The following IFT80 variants were observed in gnomAD, a reference collection of about 807,000 sequenced individuals.
IFT80 encodes intraflagellar transport protein 80 homolog.
A neutral mutation model predicts 107.9 loss-of-function variants in IFT80; 79 were observed. The observed-to-expected ratio is 0.73, with a 90% CI of 0.61 to 0.88. IFT80 has a LOEUF of 0.88. IFT80 is among the 40% of genes least tolerant of loss of function. The pLI is 0.00. For missense variants in IFT80, 797 were observed against 914.2 expected, an observed-to-expected ratio of 0.87 and a Z score of 1.65; for synonymous variants, 299 against 300.9, an observed-to-expected ratio of 0.99 and a Z score of 0.07.
intron 8 of IFT80, among the ~76,000 whole-genome samples, chr3:160,353,361 A>T (rs2108356198): frequency 6.6e-6 from 1 of 152,076 alleles, no homozygotes; most frequent in African/African-American, 2.4e-5. Flanking sequence ...CAGGGGCTCA[A>T]CTCCCTCACC....
chr3:160,305,592 T>C lies in IFT80; in HGVS notation c.1077-1603A>G, dbSNP rs372136757. Among the ~76,000 whole-genome samples, 24 of 152,226 alleles carry C rather than the reference T, an allele frequency of 1.6e-4. No individual in the cohort carries two copies. The East Asian group carries it at 2.7e-3, about 17-fold the overall frequency. On this transcript the variant is annotated intron_variant, in intron 10 of 19. Coordinates refer to ENST00000326448, the MANE Select transcript of IFT80 (RefSeq NM_020800.3). ...TCTGAGATTTCTGACAACTGAGAGATATATAAATGCCATGGAAACATAAAC... is the reference window on the plus strand; with the variant it reads ...TCTGAGATTTCTGACAACTGAGAGACATATAAATGCCATGGAAACATAAAC...
rs199704571 is a variant in IFT80, at chr3:160,278,968, T to C, written c.1836+225A>G. Among the ~76,000 whole-genome samples the C allele has an allele frequency of 9.8e-5, 15 of 152,340 alleles. No homozygotes were observed. In the East Asian group the frequency reaches 2.9e-3, roughly 29 times the overall value. ...AGAAAACTTCCACAGAAGATTTTTA[T>C]ATGTGCCAGTATGGAAAAACAGTTT... On this transcript the variant is annotated intron_variant, in intron 16 of 19. Transcript: ENST00000326448.
intron 9 of IFT80, among the ~76,000 whole-genome samples, chr3:160,312,748 T>A (rs1425579838): frequency 2.3e-5 from 1 of 44,104 alleles, no homozygotes; most frequent in Non-Finnish European, 3.7e-5. Context: ...TATAAATATA[T>A]AATATATATA....
At chr3:160,339,149 G>A (rs2108330718) in intron 8 of IFT80, among the ~76,000 whole-genome samples, 1 of 152,142 alleles carries the variant, frequency 6.6e-6, no homozygotes, top group African/African-American at 2.4e-5. Flanking sequence ...GTAAAAAATT[G>A]AGCTGTACAC....
chr3:160,383,465 A>T (rs1262880943), intron 2 of IFT80: 1 of 967,230 alleles, frequency 1.0e-6, no homozygotes, highest in African/African-American at 1.8e-5. Context: ...CAAATGTTTA[A>T]ATCAGTGCTT....
intron 9 of IFT80, among the ~76,000 whole-genome samples, chr3:160,314,624 T>G (rs1717657240): frequency 6.6e-6 from 1 of 152,148 alleles, no homozygotes; most frequent in African/African-American, 2.4e-5. Context: ...CAAAGAAGCC[T>G]CTAAGGAAAC....
intron 8 of IFT80, among the ~76,000 whole-genome samples, chr3:160,348,880 A>G (rs1345298598): frequency 1.3e-5 from 2 of 152,170 alleles, no homozygotes; most frequent in African/African-American, 4.8e-5. Context: ...TGACAAATCT[A>G]TAGGAAAAAA....
chr3:160,360,410 G>C lies in IFT80; in HGVS notation c.550-2832C>G, dbSNP rs184696213. ...GTACCTGAAAGTGATAGGGAGAATG[G>C]AACGAAGTTGGAAAACACTCTTCAG... is the stretch of plus-strand genomic sequence containing the variant. On this transcript the variant is annotated intron_variant, in intron 6 of 19. Coordinates refer to ENST00000326448, the MANE Select transcript of IFT80 (RefSeq NM_020800.3). Among the ~76,000 whole-genome samples, 33 of 152,296 alleles carry C rather than the reference G, an allele frequency of 2.2e-4. No individual in the cohort carries two copies. In the East Asian group the frequency reaches 6.4e-3, roughly 29 times the overall value.
chr3:160,352,147 C>T (rs890778563), intron 8 of IFT80, among the ~76,000 whole-genome samples: 2 of 152,100 alleles, frequency 1.3e-5, no homozygotes, highest in South Asian at 4.2e-4. Context: ...CCCGCCACCA[C>T]GCCCGGCTAA....
chr3:160,269,318 T>C (rs1013470777), intron 18 of IFT80, among the ~76,000 whole-genome samples: 1 of 152,120 alleles, frequency 6.6e-6, no homozygotes, highest in African/African-American at 2.4e-5. Context: ...ATTTTGACCA[T>C]TTTCATAAGT....
chr3:160,397,409 G>C (rs889341225), intron 1 of IFT80, among the ~76,000 whole-genome samples: 17 of 152,026 alleles, frequency 1.1e-4, no homozygotes, highest in Non-Finnish European at 8.8e-5. Flanking sequence ...GATCCTTCAG[G>C]AGCTACCCTT....
intron 18 of IFT80, among the ~76,000 whole-genome samples, chr3:160,271,841 A>C (rs1713833775): frequency 6.6e-6 from 1 of 152,062 alleles, no homozygotes; most frequent in African/African-American, 2.4e-5. Context: ...AGATTTGGGC[A>C]ATGATCATCA....
At chr3:160,262,138 G>A (rs186660737) in intron 19 of IFT80, among the ~76,000 whole-genome samples, 6 of 152,216 alleles carry the variant, frequency 3.9e-5, no homozygotes, top group Non-Finnish European at 7.4e-5. Context: ...AAAACAAGCC[G>A]GTTCAATAAT....
chr3:160,368,930 T>TA (rs201009932), intron 5 of IFT80, among the ~76,000 whole-genome samples: 1,679 of 152,058 alleles, frequency 0.011, 26 homozygotes, highest in Non-Finnish European at 0.016. Flanking sequence ...CCCATTGAGT[T>TA]ATACAGGATG....
At chr3:160,384,513 A>C (rs1712778167) in intron 2 of IFT80, 51 bp downstream of exon 2, 2 of 1,399,472 alleles carry the variant, frequency 1.4e-6, no homozygotes, top group South Asian at 2.7e-5. Flanking sequence ...AACTTTTAAC[A>C]ATACTATAAT....
In IFT80 at chr3:160,280,696, C is replaced by T. The variant is rs1714622182; in HGVS notation, c.1635G>A (p.Leu545=). 1.9e-6 allele frequency: 3 copies of T among 1,612,900 alleles called. No individual in the cohort carries two copies. The South Asian group carries it at 3.3e-5, about 18-fold the overall frequency. ...CATCCCTTTCATATAATGTTTTAGGCAAAATGTCTCTGTCCACATAAACTG... is the reference window on the plus strand; with the variant it reads ...CATCCCTTTCATATAATGTTTTAGGTAAAATGTCTCTGTCCACATAAACTG... ...PNTVYVDRDI[L]PKTLYERDAS... is the part of the protein sequence containing the mutation. Residue 545 remains leucine (L), a synonymous_variant, in exon 15 of 20, where the codon TTG becomes TTA. Transcript: ENST00000326448.
At chr3:160,369,389 T>C (rs1386959297) in intron 5 of IFT80, among the ~76,000 whole-genome samples, 3 of 151,912 alleles carry the variant, frequency 2.0e-5, no homozygotes, top group African/African-American at 4.8e-5. Context: ...GGATATCACA[T>C]TAAAAACCTT....
chr3:160,358,225 C>G (rs1000605872), intron 6 of IFT80, among the ~76,000 whole-genome samples: 1 of 151,308 alleles, frequency 6.6e-6, no homozygotes, highest in Non-Finnish European at 1.5e-5. Flanking sequence ...ATTGCCTAGG[C>G]TAGTCTCAAG....
rs1229218103 is a variant in IFT80, at chr3:160,279,255, G to A, written c.1774C>T (p.Leu592Phe). 6.2e-7 allele frequency: 1 copy of A among 1,613,244 alleles called. No individual in the cohort carries two copies. Among genetic ancestry groups the A allele is most frequent in the Non-Finnish European group, 8.5e-7 (1 of 1,179,338 alleles). The change falls in exon 16 of 20, where the codon CTC becomes TTC. Residue 592 changes from leucine to phenylalanine, a missense_variant. By Grantham distance (22) the Leu-to-Phe change is conservative. Transcript: ENST00000326448. ...TTTGAACTGCTTACATATTCATGGA[G>A]AATAGCAGGATATGGTGTTATGCTG... ...HISITPYPAI[L>F]HEYVSSSKWE...
Sources: gnomAD v4.1 joint callset for allele counts (sites outside exome capture counted in the v4.1 genomes callset) on GRCh38, gnomAD v4.1.1 for gene constraint, MANE v1.5 for transcripts, NCBI Gene and HGNC (gene_info 2026-07-23, HGNC 2026-07-21) for gene names.